LTN1: variants seen among roughly 807,000 people sequenced by gnomAD.
LTN1 encodes the protein E3 ubiquitin-protein ligase listerin.
A neutral mutation model predicts 201.2 loss-of-function variants in LTN1; 88 were observed. That is an observed-to-expected ratio of 0.44 (90% CI 0.37 to 0.52). LTN1 has a LOEUF of 0.52. LTN1 is among the 20% of genes least tolerant of loss of function. The pLI, the probability that LTN1 is intolerant of heterozygous loss-of-function variation, is 0.00. For missense variants in LTN1, 1,752 were observed against 2,038.7 expected (o/e 0.86, Z 2.71); for synonymous variants, 645 against 713.5 (o/e 0.90, Z 1.53).
chr21:28,951,690 G>A (rs551396014), intron 18 of LTN1, among the ~76,000 whole-genome samples: 94 of 152,042 alleles, frequency 6.2e-4, no homozygotes, highest in African/African-American at 2.1e-3. Flanking sequence ...AAAAGGTGTC[G>A]GCCAGACATG....
chr21:28,961,853 A>G (rs765481809), intron 11 of LTN1, among the ~76,000 whole-genome samples: 5 of 152,160 alleles, frequency 3.3e-5, no homozygotes, highest in Non-Finnish European at 7.3e-5. Flanking sequence ...TCTACTAAAA[A>G]TTCAAATATT....
At position 28,953,205 on chromosome 21, in the gene LTN1, A is replaced by G; in HGVS notation, c.3239+12T>C. The G allele has an allele frequency of 6.5e-7, 1 of 1,533,720 alleles. No homozygotes were observed. ...ATAGTCATTTTAAAAACAAATTGAA[A>G]GAGATTCTTACCTGTTAAATAACAG... On this transcript the variant is annotated intron_variant, in intron 17 of 29. Coordinates refer to ENST00000361371, the MANE Select transcript of LTN1 (RefSeq NM_015565.3).
chr21:28,946,999 T>C (rs540365017), intron 19 of LTN1, among the ~76,000 whole-genome samples: 2 of 152,366 alleles, frequency 1.3e-5, no homozygotes, highest in Non-Finnish European at 2.9e-5. Flanking sequence ...TTTCTGCCAC[T>C]TCTATACATA....
intron 17 of LTN1, 66 bp downstream of exon 17, chr21:28,953,151 T>C: frequency 8.1e-7 from 1 of 1,233,484 alleles, no homozygotes; most frequent in Admixed American, 2.6e-5. Context: ...GGTTACCTCT[T>C]ACAGAAGGCA....
At chr21:28,991,205 C>T (rs567261874) in intron 1 of LTN1, among the ~76,000 whole-genome samples, 3 of 151,350 alleles carry the variant, frequency 2.0e-5, no homozygotes, top group Admixed American at 1.3e-4. Context: ...GAGGACTGAC[C>T]GCTTGAGCCC....
intron 11 of LTN1, among the ~76,000 whole-genome samples, chr21:28,962,553 G>A (rs1264832075): frequency 1.3e-5 from 2 of 152,150 alleles, no homozygotes; most frequent in Non-Finnish European, 1.5e-5. Context: ...TGACTGCCCC[G>A]CTGACCGACC....
At position 28,941,144 on chromosome 21, in the gene LTN1, T is replaced by C. The variant is rs1213965292; in HGVS notation, c.4482+76A>G. ...CATAAGGATTTTCCTTTTATTAAAC[T>C]GAAAGGAAGGTATTTAGAACAGTAT... On this transcript the variant is annotated intron_variant, in intron 25 of 29. Coordinates refer to ENST00000361371, the MANE Select transcript of LTN1 (RefSeq NM_015565.3). 10 of 982,990 alleles carry C rather than the reference T, an allele frequency of 1.0e-5. No homozygotes were observed. The African/African-American group carries it at 1.5e-4, about 15-fold the overall frequency. 60.9% of individuals were successfully genotyped at this position (982,990 alleles called of 1,614,324 possible).
At chr21:28,969,935 T>G (rs2084559775) in intron 8 of LTN1, among the ~76,000 whole-genome samples, 1 of 152,148 alleles carries the variant, frequency 6.6e-6, no homozygotes, top group African/African-American at 2.4e-5. Flanking sequence ...CCTCCCACTT[T>G]GGCCTGTGCT....
chr21:28,991,145 A>G (rs2084741882), intron 1 of LTN1, among the ~76,000 whole-genome samples: 1 of 151,890 alleles, frequency 6.6e-6, no homozygotes, highest in South Asian at 2.1e-4. Flanking sequence ...CCCGAAAAAA[A>G]AAAAAAAAAG....
chr21:28,973,019 A>G (rs58437895), intron 6 of LTN1, among the ~76,000 whole-genome samples: 2 of 152,320 alleles, frequency 1.3e-5, no homozygotes, highest in East Asian at 1.9e-4. Flanking sequence ...AACTACCAAC[A>G]TACAATCCTG....
rs540121912 is a variant in LTN1 at position 28,942,867 on chromosome 21, G to A, written c.4295+395C>T. ...TATCATATACTATATTTTCCATAAC[G>A]CTACAGTATCATCTGTATCAGATAA... On this transcript the variant is annotated intron_variant, in intron 24 of 29. Coordinates refer to ENST00000361371, the MANE Select transcript of LTN1 (RefSeq NM_015565.3). Among the ~76,000 whole-genome samples, 37 of 151,996 alleles carry A rather than the reference G, an allele frequency of 2.4e-4. No individual in the cohort carries two copies. The East Asian group carries it at 6.2e-3, about 25-fold the overall frequency.
At chr21:28,990,736 A>G (rs2084738306) in intron 1 of LTN1, among the ~76,000 whole-genome samples, 1 of 152,214 alleles carries the variant, frequency 6.6e-6, no homozygotes, top group Non-Finnish European at 1.5e-5. Context: ...TTTAGCCTGA[A>G]TCTAATCATA....
chr21:28,970,184 T>C (rs2084562045), intron 8 of LTN1, among the ~76,000 whole-genome samples: 1 of 152,230 alleles, frequency 6.6e-6, no homozygotes, highest in African/African-American at 2.4e-5. Context: ...TTTTAAAAAT[T>C]TCACTGGCTA....
chr21:28,966,746 A>C lies in LTN1; in HGVS notation c.1745T>G (p.Leu582Trp), dbSNP rs1260469744. The C allele has an allele frequency of 6.2e-7, 1 of 1,614,100 alleles. No homozygotes were observed. Among genetic ancestry groups the C allele is most frequent in the African/African-American group, 1.3e-5 (1 of 75,070 alleles). ...CAAAGGTTTTTTCCTTAGAGGAGAC[A>C]AAAGGCCTGAAGAATTATGAGTGAG... is the stretch of plus-strand genomic sequence containing the variant. Reference protein sequence around the residue: ...PSLTHNSSGLLSPLRKKPLED... With the variant: ...PSLTHNSSGLWSPLRKKPLED... The change falls in exon 10 of 30, where the codon TTG becomes TGG. Residue 582 changes from leucine to tryptophan, a missense_variant. By Grantham distance (61) the Leu-to-Trp change is moderately conservative. Transcript: ENST00000361371.
rs765760701 is a variant in LTN1, at chr21:28,945,865, G to T, written c.3710C>A (p.Ser1237Tyr). 7 of 1,613,666 alleles carry T rather than the reference G, an allele frequency of 4.3e-6. No individual in the cohort carries two copies. Among genetic ancestry groups the T allele is most frequent in the African/African-American group, 2.7e-5 (2 of 74,894 alleles). Residue 1237 changes from serine to tyrosine, a missense_variant, in exon 21 of 30, where the codon TCC becomes TAC. Ser to Tyr is a moderately radical substitution (Grantham distance 144). Coordinates refer to ENST00000361371, the MANE Select transcript of LTN1 (RefSeq NM_015565.3). ...FLSLFLKYCS[S>Y]PLAESEWDFI... is the part of the protein sequence containing the mutation. ...GTCCCACTCACTCTCTGCCAAAGGG[G>T]ATGAGCAGTATTTCAGAAATAGGGA...
chr21:28,973,672 G>A (rs573687044), intron 6 of LTN1, among the ~76,000 whole-genome samples: 2 of 152,122 alleles, frequency 1.3e-5, no homozygotes, highest in South Asian at 4.2e-4. Context: ...ATTCATGAAA[G>A]AAACAAAAAC....
At chr21:28,947,671 C>A (rs2084349327) in intron 18 of LTN1, 65 bp from the exon 19 acceptor site, 5 of 1,010,078 alleles carry the variant, frequency 5.0e-6, no homozygotes, top group Non-Finnish European at 6.9e-6. Flanking sequence ...TTATATATTT[C>A]TTTTATTTAG....
chr21:28,960,738 A>G (rs372508761), intron 11 of LTN1, 32 bp from the exon 12 acceptor site: 5 of 1,472,126 alleles, frequency 3.4e-6, no homozygotes, highest in African/African-American at 1.4e-5. Context: ...AAAGATTAAC[A>G]GCAAGATCAA....
Position 28,986,207 on chromosome 21 carries a change from C to T in LTN1, c.277G>A (p.Glu93Lys), listed in dbSNP as rs1159588446. The stretch of plus-strand genomic sequence containing the variant: ...CCTTTCACAGTTTCTGTGTCTCTCT[C>T]TGTACACATGGTTCCAAATTCCTGC... ...AMQEFGTMCT[E>K]RDTETVKGVL... Residue 93 changes from glutamate (E) to lysine (K), a missense_variant, in exon 3 of 30, where the codon GAG becomes AAG. By Grantham distance (56) the Glu-to-Lys change is moderately conservative (BLOSUM62 1). Transcript: ENST00000361371. The surrounding 1 kb of genome is among the most constrained non-coding windows in gnomAD (Gnocchi z 4.1). 6.2e-7 allele frequency: 1 copy of T among 1,613,084 alleles called. No individual in the cohort carries two copies. The highest frequency in any genetic ancestry group is 1.7e-5 in the Admixed American group (1 of 59,984).
Sources: allele counts gnomAD v4.1 joint callset (sites outside exome capture counted in the v4.1 genomes callset), GRCh38; gene constraint gnomAD v4.1.1; non-coding constraint Gnocchi (gnomAD v3.1); transcripts MANE v1.5; gene names NCBI Gene and HGNC (gene_info 2026-07-23, HGNC 2026-07-21).